The following CDC14B variants were observed in gnomAD, a reference collection of about 807,000 sequenced individuals.
The protein encoded by CDC14B is cell division cycle 14B.
In CDC14B, 22 loss-of-function variants were observed where a neutral mutation model predicts 64.2. The observed-to-expected ratio is 0.34, with a 90% confidence interval of 0.24 to 0.49. CDC14B has a LOEUF of 0.49. CDC14B is among the 20% of genes least tolerant of loss of function. CDC14B has a pLI of 0.99. For synonymous variants in CDC14B, 191 were observed against 215.8 expected (o/e 0.89, Z 1.01); for missense variants, 498 against 629.9 (o/e 0.79, Z 2.24).
At chr9:96,526,766 TGAG>T (rs1432284600) in intron 9 of CDC14B, among the ~76,000 whole-genome samples, 2 of 152,156 alleles carry the variant, frequency 1.3e-5, no homozygotes, top group African/African-American at 4.8e-5. Flanking sequence ...TTATTTATAG[TGAG>T]GAGCTGTCCT....
intron 1 of CDC14B, among the ~76,000 whole-genome samples, chr9:96,587,425 G>A (rs540435745): frequency 2.8e-4 from 43 of 152,236 alleles, no homozygotes; most frequent in African/African-American, 9.4e-4. Context: ...AGGCCTCCAC[G>A]GAAGCAAGGA....
intron 12 of CDC14B, chr9:96,514,979 C>A (rs1450267657): frequency 3.1e-6 from 3 of 962,768 alleles, no homozygotes; most frequent in East Asian, 1.2e-4. Context: ...GGAACAATGA[C>A]CATCATATGG....
intron 1 of CDC14B, among the ~76,000 whole-genome samples, chr9:96,583,370 T>TTTATTTATTATTA (rs369531819): frequency 7.2e-6 from 1 of 139,104 alleles, no homozygotes; most frequent in Non-Finnish European, 1.5e-5. Context: ...GTTGTATTTA[T>TTTATTTATTATTA]TTATTATTAT....
intron 1 of CDC14B, among the ~76,000 whole-genome samples, chr9:96,596,385 C>CAA (rs1289067884): frequency 6.9e-6 from 1 of 144,466 alleles, no homozygotes; most frequent in Non-Finnish European, 1.5e-5. Context: ...AAAAAACACA[C>CAA]AAAAAGACAT....
At chr9:96,571,748 G>C (rs757044960) in intron 1 of CDC14B, among the ~76,000 whole-genome samples, 4 of 152,020 alleles carry the variant, frequency 2.6e-5, no homozygotes, top group Non-Finnish European at 4.4e-5. Flanking sequence ...TCAGAAAGCC[G>C]GCCTTGGGAA....
At chr9:96,570,069 A>G (rs897300503) in intron 1 of CDC14B, among the ~76,000 whole-genome samples, 12 of 152,216 alleles carry the variant, frequency 7.9e-5, no homozygotes, top group Non-Finnish European at 1.8e-4. Context: ...GTAACATGAT[A>G]TAGGAGAAAG....
At chr9:96,591,435 T>C (rs187068860) in intron 1 of CDC14B, among the ~76,000 whole-genome samples, 33 of 152,326 alleles carry the variant, frequency 2.2e-4, no homozygotes, top group Admixed American at 8.5e-4. Flanking sequence ...CTCTATTCCA[T>C]TGGTCTGTCC....
At position 96,551,861 on chromosome 9, in the gene CDC14B, C is replaced by A; in HGVS notation, c.432G>T (p.Leu144Phe). 6.2e-7 allele frequency: 1 copy of A among 1,607,872 alleles called. No homozygotes were observed. The highest frequency in any genetic ancestry group is 8.5e-7 in the Non-Finnish European group (1 of 1,177,282). The change falls in exon 5 of 14, where the codon TTG (leucine) becomes TTT (phenylalanine). Residue 144 changes from leucine (L) to phenylalanine (F), a missense_variant. Leu to Phe is a conservative substitution (Grantham distance 22). Transcript: ENST00000375241. ...TATATGCTTCTTCTGGGGTTCTCCC[C>A]AAATATATAACCTATGTTTGAAAAA... ...FLVGCYMVIYLGRTPEEAYRI... is the reference protein window; with the variant it reads ...FLVGCYMVIYFGRTPEEAYRI...
Position 96,509,675 on chromosome 9 carries a change from T to C in CDC14B, c.1458A>G (p.Lys486=). Residue 486 remains lysine (K), a splice_region_variant and synonymous_variant, in exon 13 of 14, where the codon AAA becomes AAG. Transcript: ENST00000375241. ...GAAGAGTAGGATTCTTTTCTCACCT[T>C]TTAACACTGCTTTTCCTTGAAGCAG... ...TRSASRKSSV[K]SLSISRTKTV... is the part of the protein sequence containing the mutation. 1 of 1,584,454 alleles carries C rather than the reference T, an allele frequency of 6.3e-7. No homozygotes were observed. The highest frequency in any genetic ancestry group is 8.7e-7 in the Non-Finnish European group (1 of 1,153,248).
At chr9:96,597,921 G>A (rs1846192366) in intron 1 of CDC14B, among the ~76,000 whole-genome samples, 1 of 152,204 alleles carries the variant, frequency 6.6e-6, no homozygotes, top group Admixed American at 6.5e-5. Context: ...TAGGATGGGA[G>A]AAATGGAAGA....
chr9:96,514,734 C>G, intron 12 of CDC14B: 4 of 985,432 alleles, frequency 4.1e-6, no homozygotes, highest in Non-Finnish European at 4.8e-6. Context: ...GAAGGAAGAA[C>G]GCAGCTCAGA....
intron 1 of CDC14B, among the ~76,000 whole-genome samples, chr9:96,615,030 G>A (rs1222635019): frequency 6.6e-6 from 1 of 152,034 alleles, no homozygotes; most frequent in Admixed American, 6.6e-5. Context: ...TAGTAGAGAA[G>A]GGGTTTCACC....
chr9:96,578,085 G>T lies in CDC14B; in HGVS notation c.161-12602C>A, dbSNP rs945851720. On this transcript the variant is annotated intron_variant, in intron 1 of 13. Transcript: ENST00000375241. ...ATAAAAATATCTTTTAAGAAAAGGG[G>T]GTGGGAGAAGAGTGTGATACTGGAG... Among the ~76,000 whole-genome samples, 7 of 152,290 alleles carry T rather than the reference G, an allele frequency of 4.6e-5. No individual in the cohort carries two copies. In the East Asian group the frequency reaches 1.4e-3, roughly 29 times the overall value.
chr9:96,544,218 CA>C (rs1320684754), intron 5 of CDC14B, among the ~76,000 whole-genome samples: 3 of 150,764 alleles, frequency 2.0e-5, no homozygotes, highest in Non-Finnish European at 4.4e-5. Context: ...ACTCCCATCT[CA>C]AAAAAATAAA....
At chr9:96,616,095 G>C (rs532045195) in intron 1 of CDC14B, among the ~76,000 whole-genome samples, 2 of 152,178 alleles carry the variant, frequency 1.3e-5, no homozygotes, top group South Asian at 4.2e-4. Context: ...GGAGATCTAG[G>C]CTGGGGGGGA....
chr9:96,585,369 C>A (rs1295310840), intron 1 of CDC14B, among the ~76,000 whole-genome samples: 1 of 151,650 alleles, frequency 6.6e-6, no homozygotes, highest in Non-Finnish European at 1.5e-5. Context: ...TTGCCCCCAA[C>A]CCCCAGACAG....
chr9:96,566,856 T>TGCCA (rs1204328783), intron 1 of CDC14B: 1 of 1,585,796 alleles, frequency 6.3e-7, no homozygotes, highest in Non-Finnish European at 8.6e-7. Context: ...AGGCAAGGAC[T>TGCCA]GCCAGCCGCC....
chr9:96,554,275 A>G (rs1243135992), intron 4 of CDC14B, among the ~76,000 whole-genome samples: 1 of 152,218 alleles, frequency 6.6e-6, no homozygotes, highest in African/African-American at 2.4e-5. Flanking sequence ...TCATCTGTGT[A>G]CTAAAATGAA....
At position 96,500,615 on chromosome 9, in the gene CDC14B, G is replaced by A. The variant is rs1231923817; in HGVS notation, c.*3138C>T. 1 of 152,622 alleles carries A rather than the reference G, an allele frequency of 6.6e-6. No individual in the cohort carries two copies. Among genetic ancestry groups the A allele is most frequent in the African/African-American group, 2.4e-5 (1 of 41,430 alleles). 9.5% of individuals were successfully genotyped at this position (152,622 alleles called of 1,614,324 possible). On this transcript the variant is annotated 3_prime_UTR_variant, in exon 14 of 14. Transcript: ENST00000375241. ...GTGACATGGAGAATAACCTGATGTG[G>A]GTAAATGGAAGAGCAGCAGATAGCC... is the stretch of plus-strand genomic sequence containing the variant.
Sources: gnomAD v4.1 joint callset for allele counts (sites outside exome capture counted in the v4.1 genomes callset) on GRCh38, gnomAD v4.1.1 for gene constraint, MANE v1.5 for transcripts, NCBI Gene and HGNC (gene_info 2026-07-23, HGNC 2026-07-21) for gene names.